HOXA13: variants seen among roughly 807,000 people sequenced by gnomAD.
HOXA13 encodes the protein homeobox A13.
A neutral mutation model predicts 25.7 loss-of-function variants in HOXA13; 5 were observed. That is an observed-to-expected ratio of 0.19 (90% CI 0.10 to 0.41). The LOEUF is 0.41. Ranked by LOEUF, HOXA13 falls within the 10% of genes least tolerant of loss-of-function variation. The pLI is 1.00. For synonymous variants in HOXA13, 284 were observed against 241.1 expected (o/e 1.18, Z -1.65); for missense variants, 557 against 533.5 (o/e 1.04, Z -0.43).
At position 27,197,875 on chromosome 7, in the gene HOXA13, A is replaced by G; in HGVS notation, c.*323T>C. 2 of 428,666 alleles carry G rather than the reference A, an allele frequency of 4.7e-6. No individual in the cohort carries two copies. Among genetic ancestry groups the G allele is most frequent in the Admixed American group, 4.2e-5 (1 of 23,984 alleles). 26.6% of individuals were successfully genotyped at this position (428,666 alleles called of 1,614,324 possible). A position where few individuals can be genotyped will look rare whatever the true frequency, so the allele number is the denominator to read the frequency against. ...TAACGCAGTGTCCTAAAATGTAACG[A>G]TCACTTAAATACTTACAAGATTTCA... On this transcript the variant is annotated 3_prime_UTR_variant, in exon 2 of 2. Transcript: ENST00000649031.
At position 27,198,337 on chromosome 7, in the gene HOXA13, G is replaced by A. The variant is rs768400475; in HGVS notation, c.1028C>T (p.Thr343Met). ...TTTGTCCTTAGTAATGAATTTATTCGTGGCGTATTCCCGTTCAAGTTCTTT... is the reference window on the plus strand; with the variant it reads ...TTTGTCCTTAGTAATGAATTTATTCATGGCGTATTCCCGTTCAAGTTCTTT... ...QLKELEREYA[T>M]NKFITKDKRR... is the part of the protein sequence containing the mutation. Residue 343 changes from threonine (T) to methionine (M), a missense_variant, in exon 2 of 2, where the codon ACG (threonine) becomes ATG (methionine). By Grantham distance (81) the Thr-to-Met change is moderately conservative (BLOSUM62 -1). Transcript: ENST00000649031. 1 of 1,614,132 alleles carries A rather than the reference G, an allele frequency of 6.2e-7. No individual in the cohort carries two copies. Among genetic ancestry groups the A allele is most frequent in the Non-Finnish European group, 8.5e-7 (1 of 1,180,028 alleles).
At position 27,198,236 on chromosome 7, in the gene HOXA13, C is replaced by G. The variant is rs774224020; in HGVS notation, c.1129G>C (p.Glu377Gln). 6.2e-6 allele frequency: 10 copies of G among 1,614,018 alleles called. No individual in the cohort carries two copies. Among genetic ancestry groups the G allele is most frequent in the East Asian group, 2.2e-5 (1 of 44,894 alleles). Residue 377 changes from glutamate (E) to glutamine (Q), a missense_variant, in exon 2 of 2, where the codon GAG (glutamate) becomes CAG (glutamine). Transcript: ENST00000649031. ...TIWFQNRRVK[E>Q]KKVINKLKTT... ...TTCAGTTTGTTGATGACTTTTTTCTCTTTAACCCTCCTGTTCTGGAACCAG... is the reference window on the plus strand; with the variant it reads ...TTCAGTTTGTTGATGACTTTTTTCTGTTTAACCCTCCTGTTCTGGAACCAG...
At position 27,198,294 on chromosome 7, in the gene HOXA13, G is replaced by C. The variant is rs372300565; in HGVS notation, c.1071C>G (p.Ala357=). 2.7e-4 allele frequency: 431 copies of C among 1,614,030 alleles called. 3 individuals carry two copies. The highest frequency in any genetic ancestry group is 1.1e-4 in the Non-Finnish European group (125 of 1,180,032). ...CCTGCCGCTCAGAGAGATTCGTCGT[G>C]GCTGATATCCGCCTCCGTTTGTCCT... ...ITKDKRRRIS[A]TTNLSERQVT... The change falls in exon 2 of 2, where the codon GCC becomes GCG. Residue 357 remains alanine (A), a synonymous_variant. Transcript: ENST00000649031.
In HOXA13 at chr7:27,199,919, G is replaced by A. The variant is rs1362954246; in HGVS notation, c.159C>T (p.Ala53=). The change falls in exon 1 of 2, where the codon GCC becomes GCT. Residue 53 remains alanine (A), a synonymous_variant. Coordinates refer to ENST00000649031, the MANE Select transcript of HOXA13 (RefSeq NM_000522.5). The part of the protein sequence containing the change: ...AAAAAAAAAG[A]GGGGFPHPAA... The stretch of plus-strand genomic sequence containing the variant: ...CCGGGTGGGGGAAGCCCCCGCCCCC[G>A]GCCCCGGCAGCCGCCGCCGCTGCAG... The A allele has an allele frequency of 2.5e-6, 3 of 1,201,340 alleles. No individual in the cohort carries two copies. The highest frequency in any genetic ancestry group is 1.6e-5 in the African/African-American group (1 of 60,848). The allele number at this position is 1,201,340 out of a possible 1,614,324, so 74.4% of individuals were successfully genotyped here. A position where few individuals can be genotyped will look rare whatever the true frequency, so the allele number is the denominator to read the frequency against.
rs1041491471 is a variant in HOXA13 at position 27,195,614 on chromosome 7, C to A, written c.*2584G>T. ...GTTAATATTAAACATATTTATTTAT[C>A]CTACAAATCAAATGGCAGATTCACA... On this transcript the variant is annotated 3_prime_UTR_variant, in exon 2 of 2. Coordinates refer to ENST00000649031, the MANE Select transcript of HOXA13 (RefSeq NM_000522.5). The A allele has an allele frequency of 1.3e-5, 2 of 152,058 alleles. No homozygotes were observed. The highest frequency in any genetic ancestry group is 4.8e-5 in the African/African-American group (2 of 41,388). 9.4% of individuals were successfully genotyped at this position (152,058 alleles called of 1,614,324 possible). A position where few individuals can be genotyped will look rare whatever the true frequency, so the allele number is the denominator to read the frequency against.
chr7:27,199,442 A>C lies in HOXA13; in HGVS notation c.636T>G (p.Asp212Glu). Residue 212 changes from aspartate to glutamate, a missense_variant, in exon 1 of 2, where the codon GAT (aspartate) becomes GAG (glutamate). Coordinates refer to ENST00000649031, the MANE Select transcript of HOXA13 (RefSeq NM_000522.5). ...AAAAFADKYM[D>E]TAGPAAEEFS... Reference sequence around the variant, plus strand: ...ACTCCTCGGCAGCTGGGCCGGCGGTATCCATGTACTTGTCCGCGAAGGCGG... The same window carrying C: ...ACTCCTCGGCAGCTGGGCCGGCGGTCTCCATGTACTTGTCCGCGAAGGCGG... 1 of 1,613,600 alleles carries C rather than the reference A, an allele frequency of 6.2e-7. No individual in the cohort carries two copies. The highest frequency in any genetic ancestry group is 8.5e-7 in the Non-Finnish European group (1 of 1,179,912).
Position 27,199,951 on chromosome 7 carries a change from C to A in HOXA13, c.127G>T (p.Ala43Ser). 7.4e-7 allele frequency: 1 copy of A among 1,345,022 alleles called. No individual in the cohort carries two copies. Among genetic ancestry groups the A allele is most frequent in the Non-Finnish European group, 9.7e-7 (1 of 1,028,028 alleles). The allele number at this position is 1,345,022 out of a possible 1,614,324, so 83.3% of individuals were successfully genotyped here. ...GCAGCCGCCGCCGCTGCAGCCGCTG[C>A]TGCAGCCGCCGCCGCCCCTTCCATG... ...KNMEGAAAAAAAAAAAAAAGA... is the reference protein window; with the variant it reads ...KNMEGAAAAASAAAAAAAAGA... The change falls in exon 1 of 2, where the codon GCA (alanine) becomes TCA (serine). Residue 43 changes from alanine (A) to serine (S), a missense_variant. Ala to Ser is a moderately conservative substitution (Grantham distance 99, BLOSUM62 1). Coordinates refer to ENST00000649031, the MANE Select transcript of HOXA13 (RefSeq NM_000522.5).
chr7:27,199,914 C>T lies in HOXA13; in HGVS notation c.164G>A (p.Gly55Asp), dbSNP rs1463968290. ...AAAAAAAGAG[G>D]GGFPHPAAAA... is the part of the protein sequence containing the mutation. ...AGCCGCCGGGTGGGGGAAGCCCCCGCCCCCGGCCCCGGCAGCCGCCGCCGC... is the reference window on the plus strand; with the variant it reads ...AGCCGCCGGGTGGGGGAAGCCCCCGTCCCCGGCCCCGGCAGCCGCCGCCGC... Residue 55 changes from glycine to aspartate, a missense_variant, in exon 1 of 2, where the codon GGC (glycine) becomes GAC (aspartate). Coordinates refer to ENST00000649031, the MANE Select transcript of HOXA13 (RefSeq NM_000522.5). 5 of 1,190,428 alleles carry T rather than the reference C, an allele frequency of 4.2e-6. No individual in the cohort carries two copies. Among genetic ancestry groups the T allele is most frequent in the African/African-American group, 1.6e-5 (1 of 61,304 alleles). The allele number at this position is 1,190,428 out of a possible 1,614,324, so 73.7% of individuals were successfully genotyped here.
chr7:27,199,549 C>G lies in HOXA13; in HGVS notation c.529G>C (p.Gly177Arg), dbSNP rs773571634. The G allele has an allele frequency of 9.1e-5, 143 of 1,571,346 alleles. No homozygotes were observed. The African/African-American group carries it at 1.5e-3, about 17-fold the overall frequency. The change falls in exon 1 of 2, where the codon GGC becomes CGC. Residue 177 changes from glycine to arginine, a missense_variant. Coordinates refer to ENST00000649031, the MANE Select transcript of HOXA13 (RefSeq NM_000522.5). Reference sequence around the variant, plus strand: ...CCCATGCGGGCGCACGGGTAGTAGCCGCTGCCGAAGTAGCCATAGGGCAGC... The same window carrying G: ...CCCATGCGGGCGCACGGGTAGTAGCGGCTGCCGAAGTAGCCATAGGGCAGC... ...AALPYGYFGS[G>R]YYPCARMGPH... is the part of the protein sequence containing the mutation.
At chr7:27,198,480 G>C (rs778664741) in intron 1 of HOXA13, 38 bp from the exon 2 acceptor site, 2 of 1,611,172 alleles carry the variant, frequency 1.2e-6, no homozygotes, top group East Asian at 2.2e-5. Context: ...CACAGGGATC[G>C]GACCCCAGCC....
At chr7:27,198,855 T>C in intron 1 of HOXA13, 3 of 519,604 alleles carry the variant, frequency 5.8e-6, no homozygotes, top group Non-Finnish European at 1.0e-5. Context: ...GGGGAGCTGT[T>C]TTCTGGTCAA....
At position 27,199,295 on chromosome 7, in the gene HOXA13, G is replaced by A. The variant is rs751372202; in HGVS notation, c.783C>T (p.Pro261=). The A allele has an allele frequency of 1.4e-5, 22 of 1,613,904 alleles. No individual in the cohort carries two copies. Among genetic ancestry groups the A allele is most frequent in the African/African-American group, 2.7e-5 (2 of 74,952 alleles). ...DMPVVPGLGG[P]GESRHEPLGL... ...CCAAGGGTTCGTGGCGCGACTCGCC[G>A]GGGCCCCCGAGGCCCGGCACCACTG... Residue 261 remains proline, a synonymous_variant, in exon 1 of 2, where the codon CCC becomes CCT. Coordinates refer to ENST00000649031, the MANE Select transcript of HOXA13 (RefSeq NM_000522.5).
rs1784011602 is a variant in HOXA13, at chr7:27,196,963, A to G, written c.*1235T>C. ...GTTTTTTTTTTTCATTTTTAGTAGA[A>G]ATATTTAAAAAGCAGGTGCACAAAT... On this transcript the variant is annotated 3_prime_UTR_variant, in exon 2 of 2. Transcript: ENST00000649031. 1 of 187,226 alleles carries G rather than the reference A, an allele frequency of 5.3e-6. No homozygotes were observed. The highest frequency in any genetic ancestry group is 1.1e-5 in the Non-Finnish European group (1 of 88,462). 11.6% of individuals were successfully genotyped at this position (187,226 alleles called of 1,614,324 possible).
chr7:27,199,315 C>T lies in HOXA13; in HGVS notation c.763G>A (p.Val255Met), dbSNP rs530267546. 12 of 1,614,038 alleles carry T rather than the reference C, an allele frequency of 7.4e-6. No homozygotes were observed. The South Asian group carries it at 1.2e-4, about 16-fold the overall frequency. ...PMPGYLDMPV[V>M]PGLGGPGESR... ...TCGCCGGGGCCCCCGAGGCCCGGCA[C>T]CACTGGCATATCCAGGTAGCCAGGC... Residue 255 changes from valine to methionine, a missense_variant, in exon 1 of 2, where the codon GTG becomes ATG. Transcript: ENST00000649031.
In HOXA13 at chr7:27,198,082, G is replaced by GAAGGAGA; in HGVS notation, c.*115_*116insTCTCCTT. On this transcript the variant is annotated 3_prime_UTR_variant, in exon 2 of 2. Transcript: ENST00000649031. Reference sequence around the variant, plus strand: ...TCGGGAGAGGAAAATGCCAGTCTCTGTCTCTTTCTCTTTCCCATTCTTCAA... The same window carrying GAAGGAGA: ...TCGGGAGAGGAAAATGCCAGTCTCTGAAGGAGATCTCTTTCTCTTTCCCATTCTTCAA... 1 of 1,173,802 alleles carries GAAGGAGA rather than the reference G, an allele frequency of 8.5e-7. No individual in the cohort carries two copies. The highest frequency in any genetic ancestry group is 1.5e-5 in the African/African-American group (1 of 65,622). 72.7% of individuals were successfully genotyped at this position (1,173,802 alleles called of 1,614,324 possible).
In HOXA13 at chr7:27,199,714, C is replaced by T; in HGVS notation, c.364G>A (p.Ala122Thr). The T allele has an allele frequency of 9.9e-7, 1 of 1,007,468 alleles. No individual in the cohort carries two copies. Among genetic ancestry groups the T allele is most frequent in the Non-Finnish European group, 1.2e-6 (1 of 845,330 alleles). 62.4% of individuals were successfully genotyped at this position (1,007,468 alleles called of 1,614,324 possible). A position where few individuals can be genotyped will look rare whatever the true frequency, so the allele number is the denominator to read the frequency against. Reference sequence around the variant, plus strand: ...GCGGCGGCGGCTGCAGCGGCAGCCGCGGCAGCAGCGGCGGCAGCCGACGGG... The same window carrying T: ...GCGGCGGCGGCTGCAGCGGCAGCCGTGGCAGCAGCGGCGGCAGCCGACGGG... Reference protein sequence around the residue: ...APPSAAAAAAAAAAAAAAAAA... With the variant: ...APPSAAAAAATAAAAAAAAAA... Residue 122 changes from alanine (A) to threonine (T), a missense_variant, in exon 1 of 2, where the codon GCG becomes ACG. By Grantham distance (58) the Ala-to-Thr change is moderately conservative. Transcript: ENST00000649031.
rs1222785661 is a variant in HOXA13, at chr7:27,199,153, T to C, written c.922+3A>G. On this transcript the variant is annotated splice_donor_region_variant and intron_variant, in intron 1 of 1. Transcript: ENST00000649031. ...CCAGGGCTGGGAATAGGTCGTCATT[T>C]ACCGGGCAGAGTGGACTTCCAGAGG... 6.2e-7 allele frequency: 1 copy of C among 1,609,030 alleles called. No homozygotes were observed. Among genetic ancestry groups the C allele is most frequent in the African/African-American group, 1.3e-5 (1 of 74,776 alleles).
In HOXA13 at chr7:27,198,116, A is replaced by C. The variant is rs1784026893; in HGVS notation, c.*82T>G. The stretch of plus-strand genomic sequence containing the variant: ...TCTTTCCCATTCTTCAATTATTATT[A>C]AGCATTATTATCATTATCTGGGCAA... On this transcript the variant is annotated 3_prime_UTR_variant, in exon 2 of 2. Coordinates refer to ENST00000649031, the MANE Select transcript of HOXA13 (RefSeq NM_000522.5). The C allele has an allele frequency of 7.1e-7, 1 of 1,400,874 alleles. No individual in the cohort carries two copies. Among genetic ancestry groups the C allele is most frequent in the Admixed American group, 1.7e-5 (1 of 57,700 alleles). The allele number at this position is 1,400,874 out of a possible 1,614,324, so 86.8% of individuals were successfully genotyped here.
chr7:27,198,021 C>T lies in HOXA13; in HGVS notation c.*177G>A, dbSNP rs1784025406. 1.3e-6 allele frequency: 1 copy of T among 749,574 alleles called. No homozygotes were observed. The highest frequency in any genetic ancestry group is 2.2e-6 in the Non-Finnish European group (1 of 456,340). 46.4% of individuals were successfully genotyped at this position (749,574 alleles called of 1,614,324 possible). A position where few individuals can be genotyped will look rare whatever the true frequency, so the allele number is the denominator to read the frequency against. ...CTTTACCTTTCTTAAAGTTTTAAAA[C>T]AGTTGTAGATTCCATTAAAGAGAAA... On this transcript the variant is annotated 3_prime_UTR_variant, in exon 2 of 2. Transcript: ENST00000649031.
Sources: gnomAD v4.1 joint callset for allele counts on GRCh38, gnomAD v4.1.1 for gene constraint, MANE v1.5 for transcripts, NCBI Gene and HGNC (gene_info 2026-07-23, HGNC 2026-07-21) for gene names.